DELE1: variants seen among roughly 807,000 people sequenced by gnomAD.
The protein encoded by DELE1 is death ligand signal enhancer.
DELE1 carries 54 observed loss-of-function variants against 59.3 expected under a neutral mutation model. The ratio of observed to expected loss-of-function variants is 0.91; its 90% CI spans 0.73 to 1.14. DELE1 has a LOEUF of 1.14. DELE1 is among the 50% of genes most tolerant of loss of function. The pLI is 0.00. For missense variants in DELE1, 636 were observed against 643.9 expected, an observed-to-expected ratio of 0.99 and a Z score of 0.13; for synonymous variants, 264 against 259.1, an observed-to-expected ratio of 1.02 and a Z score of -0.18.
intron 4 of DELE1, among the ~76,000 whole-genome samples, chr5:141,929,227 C>G (rs1002379556): frequency 6.6e-6 from 1 of 152,170 alleles, no homozygotes; most frequent in Non-Finnish European, 1.5e-5. Flanking sequence ...GCAGCCTGCA[C>G]TGATCCTCTT....
intron 10 of DELE1, among the ~76,000 whole-genome samples, chr5:141,936,254 G>A (rs748005253): frequency 1.3e-5 from 2 of 152,184 alleles, no homozygotes; most frequent in Non-Finnish European, 2.9e-5. Flanking sequence ...GTAGAGTCAC[G>A]TGCCTGAGTT....
Position 141,940,724 on chromosome 5 carries a change from A to G in DELE1, c.*1965A>G, listed in dbSNP as rs1188164740. ...CCCTGCACATGGCCACCTTCCACAG[A>G]TGGCACTCCTTGGGAGCAGGGTCCT... On this transcript the variant is annotated 3_prime_UTR_variant, in exon 12 of 12. Transcript: ENST00000432126. The G allele has an allele frequency of 1.0e-6, 1 of 966,628 alleles. No homozygotes were observed. Among genetic ancestry groups the G allele is most frequent in the Non-Finnish European group, 1.2e-6 (1 of 812,802 alleles). The allele number at this position is 966,628 out of a possible 1,614,324, so 59.9% of individuals were successfully genotyped here.
At position 141,924,592 on chromosome 5, in the gene DELE1, A is replaced by G; in HGVS notation, c.43A>G (p.Thr15Ala). The G allele has an allele frequency of 6.2e-7, 1 of 1,610,296 alleles. No homozygotes were observed. Among genetic ancestry groups the G allele is most frequent in the Non-Finnish European group, 8.5e-7 (1 of 1,176,576 alleles). Reference sequence around the variant, plus strand: ...GTTGTTCTGTACAGCTCTTCCCCGTACACTGGGACCTAGCCTCTGGAGGGT... The same window carrying G: ...GTTGTTCTGTACAGCTCTTCCCCGTGCACTGGGACCTAGCCTCTGGAGGGT... The part of the protein sequence containing the change: ...PGLLGRALPR[T>A]LGPSLWRVTP... Residue 15 changes from threonine to alanine, a missense_variant, in exon 2 of 12, where the codon ACA (threonine) becomes GCA (alanine). By Grantham distance (58) the Thr-to-Ala change is moderately conservative (BLOSUM62 0). Transcript: ENST00000432126.
chr5:141,929,335 G>A (rs577602046), intron 4 of DELE1, among the ~76,000 whole-genome samples: 43 of 152,064 alleles, frequency 2.8e-4, no homozygotes, highest in African/African-American at 1.0e-3. Flanking sequence ...TGCAACCTCC[G>A]CCTCCTGGGT....
chr5:141,938,629 C>T lies in DELE1; in HGVS notation c.1418C>T (p.Ser473Leu), dbSNP rs140060216. 3.1e-6 allele frequency: 5 copies of T among 1,614,148 alleles called. No homozygotes were observed. The highest frequency in any genetic ancestry group is 2.2e-5 in the South Asian group (2 of 91,078). Reference protein sequence around the residue: ...LAGTSRLPHASSTGNLGLLCR... With the variant: ...LAGTSRLPHALSTGNLGLLCR... The stretch of plus-strand genomic sequence containing the variant: ...GGAACCTCACGCCTACCACATGCCT[C>T]GAGCACAGGCAACCTTGGCCTCCTC... Residue 473 changes from serine (S) to leucine (L), a missense_variant, in exon 12 of 12, where the codon TCG becomes TTG. By Grantham distance (145) the Ser-to-Leu change is moderately radical. Transcript: ENST00000432126.
Position 141,941,740 on chromosome 5 carries a change from T to C in DELE1, c.*2981T>C. 3.0e-6 allele frequency: 3 copies of C among 985,356 alleles called. No individual in the cohort carries two copies. Among genetic ancestry groups the C allele is most frequent in the Non-Finnish European group, 3.6e-6 (3 of 829,926 alleles). 61.0% of individuals were successfully genotyped at this position (985,356 alleles called of 1,614,324 possible). ...ACACTATGATGGGAACAAGGCTATT[T>C]GGTTTACTATATCATTAGTGCTAAT... is the stretch of plus-strand genomic sequence containing the variant. On this transcript the variant is annotated 3_prime_UTR_variant, in exon 12 of 12. Coordinates refer to ENST00000432126, the MANE Select transcript of DELE1 (RefSeq NM_014773.5).
rs368373086 is a variant in DELE1, at chr5:141,938,634, A to T, written c.1423A>T (p.Thr475Ser). The change falls in exon 12 of 12, where the codon ACA (threonine) becomes TCA (serine). Residue 475 changes from threonine (T) to serine (S), a missense_variant. By Grantham distance (58) the Thr-to-Ser change is moderately conservative. Coordinates refer to ENST00000432126, the MANE Select transcript of DELE1 (RefSeq NM_014773.5). ...GTSRLPHASS[T>S]GNLGLLCRSG... Reference sequence around the variant, plus strand: ...CTCACGCCTACCACATGCCTCGAGCACAGGCAACCTTGGCCTCCTCTGCAG... The same window carrying T: ...CTCACGCCTACCACATGCCTCGAGCTCAGGCAACCTTGGCCTCCTCTGCAG... 5.0e-6 allele frequency: 8 copies of T among 1,614,170 alleles called. No homozygotes were observed. In the East Asian group the frequency reaches 1.8e-4, roughly 36 times the overall value.
chr5:141,934,142 A>G, intron 8 of DELE1, 98 bp from the exon 9 acceptor site: 3 of 932,914 alleles, frequency 3.2e-6, no homozygotes, highest in Non-Finnish European at 3.0e-6. Context: ...TATAATTATT[A>G]TGTATTAGTT....
At chr5:141,925,594 G>T (rs139709818) in intron 3 of DELE1, 67 bp downstream of exon 3, 265 of 934,762 alleles carry the variant, frequency 2.8e-4, no homozygotes, top group Non-Finnish European at 4.0e-4. Context: ...TGGGTATACA[G>T]CCGAACCTGG....
At position 141,924,581 on chromosome 5, in the gene DELE1, C is replaced by G; in HGVS notation, c.32C>G (p.Ala11Gly). 1.3e-6 allele frequency: 2 copies of G among 1,597,080 alleles called. No homozygotes were observed. Among genetic ancestry groups the G allele is most frequent in the Non-Finnish European group, 1.7e-6 (2 of 1,164,470 alleles). MWRLPGLLGRALPRTLGPSLW... is the reference protein window; with the variant it reads MWRLPGLLGRGLPRTLGPSLW... Reference sequence around the variant, plus strand: ...CCTGAGTTTTGGTTGTTCTGTACAGCTCTTCCCCGTACACTGGGACCTAGC... The same window carrying G: ...CCTGAGTTTTGGTTGTTCTGTACAGGTCTTCCCCGTACACTGGGACCTAGC... Residue 11 changes from alanine to glycine, a missense_variant and splice_region_variant, in exon 2 of 12, where the codon GCT (alanine) becomes GGT (glycine). Transcript: ENST00000432126.
chr5:141,929,962 G>C, intron 5 of DELE1, 27 bp from the exon 6 acceptor site: 1 of 1,606,660 alleles, frequency 6.2e-7, no homozygotes, highest in Non-Finnish European at 8.5e-7. Context: ...CCTTTGCCCT[G>C]GCCGGGTGTC....
chr5:141,924,022 C>G, intron 1 of DELE1, 50 bp downstream of exon 1: 1 of 1,591,180 alleles, frequency 6.3e-7, no homozygotes, highest in South Asian at 1.1e-5. Context: ...AAAGACCGAA[C>G]TGGAGTGGGG....
At chr5:141,937,039 C>T (rs1399995152) in intron 10 of DELE1, 159 bp from the exon 11 acceptor site, 7 of 1,497,168 alleles carry the variant, frequency 4.7e-6, no homozygotes, top group East Asian at 4.6e-5. Flanking sequence ...TCTGGCATTT[C>T]GTAGTTGAGA....
Position 141,929,729 on chromosome 5 carries a change from CCT to C in DELE1, c.563_564del (p.Ser188Ter), listed in dbSNP as rs766866131. 1 of 1,614,154 alleles carries C rather than the reference CCT, an allele frequency of 6.2e-7. No individual in the cohort carries two copies. The highest frequency in any genetic ancestry group is 8.5e-7 in the Non-Finnish European group (1 of 1,180,018). ...TTGAGAGGAGCTCGTCCTCAGGACC[CCT>C]CTGAGGAAGGTATGTCCCTGCCTCA... On this transcript the variant is annotated frameshift_variant, in exon 5 of 12. Coordinates refer to ENST00000432126, the MANE Select transcript of DELE1 (RefSeq NM_014773.5). LOFTEE classifies it high-confidence loss of function.
At chr5:141,937,407 C>G in intron 11 of DELE1, 50 bp downstream of exon 11, 2 of 1,593,840 alleles carry the variant, frequency 1.3e-6, no homozygotes, top group Non-Finnish European at 1.7e-6. Flanking sequence ...GCTCAGTACT[C>G]TGTGACAGAT....
At chr5:141,924,103 G>A (rs1400734093) in intron 1 of DELE1, 131 bp downstream of exon 1, 6 of 1,225,332 alleles carry the variant, frequency 4.9e-6, no homozygotes, top group Non-Finnish European at 4.7e-6. Context: ...CTTGAAAGAG[G>A]GCGGGGAAGT....
intron 9 of DELE1, 25 bp from the exon 10 acceptor site, chr5:141,934,469 T>C (rs750759970): frequency 6.2e-7 from 1 of 1,614,206 alleles, no homozygotes; most frequent in Admixed American, 1.7e-5. Context: ...CAAGATGCCT[T>C]CTTTTCCTTC....
intron 1 of DELE1, 71 bp downstream of exon 1, chr5:141,924,043 G>A: frequency 1.3e-6 from 2 of 1,562,074 alleles, no homozygotes; most frequent in Non-Finnish European, 1.7e-6. Context: ...GCGGGCCCGA[G>A]GAAACAGCCG....
chr5:141,941,183 T>G lies in DELE1; in HGVS notation c.*2424T>G. 4 of 985,502 alleles carry G rather than the reference T, an allele frequency of 4.1e-6. No homozygotes were observed. Among genetic ancestry groups the G allele is most frequent in the Non-Finnish European group, 4.8e-6 (4 of 829,968 alleles). The allele number at this position is 985,502 out of a possible 1,614,324, so 61.0% of individuals were successfully genotyped here. ...CTGACTACTTCCTTCTAGCCATAGCTGGGGCCGAGGGCTGGTTCACAGTCT... is the reference window on the plus strand; with the variant it reads ...CTGACTACTTCCTTCTAGCCATAGCGGGGGCCGAGGGCTGGTTCACAGTCT... On this transcript the variant is annotated 3_prime_UTR_variant, in exon 12 of 12. Coordinates refer to ENST00000432126, the MANE Select transcript of DELE1 (RefSeq NM_014773.5).
Sources: gnomAD v4.1 joint callset for allele counts (sites outside exome capture counted in the v4.1 genomes callset) on GRCh38, gnomAD v4.1.1 for gene constraint, MANE v1.5 for transcripts, NCBI Gene and HGNC (gene_info 2026-07-23, HGNC 2026-07-21) for gene names.